EVC2: variants seen among roughly 807,000 people sequenced by gnomAD.
EVC2 encodes the protein EvC ciliary complex subunit 2.
EVC2 carries 148 observed loss-of-function variants against 149.3 expected under a neutral mutation model. The ratio of observed to expected loss-of-function variants is 0.99; its 90% CI spans 0.87 to 1.14. The LOEUF is 1.14. EVC2 is among the 50% of genes most tolerant of loss of function. EVC2 has a pLI of 0.00. For missense variants in EVC2, 1,854 were observed against 1,627.3 expected (o/e 1.14, Z -2.40); for synonymous variants, 776 against 649.9 (o/e 1.19, Z -2.95).
chr4:5,600,865 T>C (rs1713917043), intron 16 of EVC2, among the ~76,000 whole-genome samples: 1 of 152,214 alleles, frequency 6.6e-6, no homozygotes, highest in Non-Finnish European at 1.5e-5. Flanking sequence ...AACCAGCAGA[T>C]GACTGGAGAT....
chr4:5,700,839 A>G (rs1157536783), intron 1 of EVC2, among the ~76,000 whole-genome samples: 1 of 152,012 alleles, frequency 6.6e-6, no homozygotes, highest in African/African-American at 2.4e-5. Context: ...AGCCACTCCA[A>G]CGTTCCACTT....
At chr4:5,672,224 T>C (rs1719692757) in intron 7 of EVC2, among the ~76,000 whole-genome samples, 1 of 152,016 alleles carries the variant, frequency 6.6e-6, no homozygotes, top group Non-Finnish European at 1.5e-5. Context: ...GAGAACGAGC[T>C]GGGCCAGGGG....
chr4:5,606,754 T>TA (rs1714423977), intron 16 of EVC2, among the ~76,000 whole-genome samples: 1 of 152,144 alleles, frequency 6.6e-6, no homozygotes, highest in Admixed American at 6.5e-5. Flanking sequence ...AAACGAGGTG[T>TA]AAGAATTGGG....
intron 21 of EVC2, among the ~76,000 whole-genome samples, chr4:5,564,174 G>T (rs1443772074): frequency 6.6e-6 from 1 of 152,194 alleles, no homozygotes; most frequent in African/African-American, 2.4e-5. Context: ...TGCCCTTGGA[G>T]CTACTAAGTC....
chr4:5,689,087 C>G (rs990322194), intron 5 of EVC2, 70 bp downstream of exon 5: 6 of 1,556,288 alleles, frequency 3.9e-6, no homozygotes, highest in East Asian at 2.2e-5. Flanking sequence ...TGACCCAGAA[C>G]ACATTCACCT....
rs1001959592 is a variant in EVC2, at chr4:5,677,771, C to T, written c.870+3489G>A. 6.6e-6 allele frequency among the ~76,000 whole-genome samples: 1 copy of T among 152,200 alleles called. No homozygotes were observed. The highest frequency in any genetic ancestry group is 2.4e-5 in the African/African-American group (1 of 41,448). ...CTGTTGAGTGCCACCTACAATGTAC[C>T]GCACAGTGGGGGACACAGGCAAATC... On this transcript the variant is annotated intron_variant, in intron 7 of 21. Transcript: ENST00000344408. The surrounding 1 kb of genome is among the most constrained non-coding windows in gnomAD (Gnocchi z 4.3).
In EVC2 at chr4:5,637,223, C is replaced by G. The variant is rs4426715; in HGVS notation, c.1470+3291G>C. On this transcript the variant is annotated intron_variant, in intron 10 of 21. Transcript: ENST00000344408. This position sits in a 1 kb window ranked among gnomAD's most constrained non-coding sequence, Gnocchi z 4.4. Reference sequence around the variant, plus strand: ...CCCAGGCAGTCTTTTGATAGCAAAGCCACTAGAAACATTCTAGGTGCCCCA... The same window carrying G: ...CCCAGGCAGTCTTTTGATAGCAAAGGCACTAGAAACATTCTAGGTGCCCCA... 0.23 allele frequency among the ~76,000 whole-genome samples: 34,314 copies of G among 152,158 alleles called. 9,771 individuals are homozygous for G. Among genetic ancestry groups the G allele is most frequent in the African/African-American group, 0.67 (27,822 of 41,446 alleles).
chr4:5,584,689 T>C lies in EVC2; in HGVS notation c.2991A>G (p.Glu997=). The C allele has an allele frequency of 6.2e-7, 1 of 1,614,132 alleles. No individual in the cohort carries two copies. The highest frequency in any genetic ancestry group is 8.5e-7 in the Non-Finnish European group (1 of 1,180,020). Residue 997 remains glutamate (E), a synonymous_variant, in exon 17 of 22, where the codon GAA becomes GAG. Coordinates refer to ENST00000344408, the MANE Select transcript of EVC2 (RefSeq NM_147127.5). ...TCAGCATCTCAGATGCACTCAGCTC[T>C]TCCAGGAGCAAGTCCTGGATGCTGA... is the stretch of plus-strand genomic sequence containing the variant. ...ALLSIQDLLL[E]ELSASEMLTK...
chr4:5,706,346 A>ATACATACATAGATAGATAGC lies in EVC2; in HGVS notation c.228+1939_228+1940insGCTATCTATCTATGTATGTA, dbSNP rs1560243230. On this transcript the variant is annotated intron_variant, in intron 1 of 21. Coordinates refer to ENST00000344408, the MANE Select transcript of EVC2 (RefSeq NM_147127.5). ...CATAGATAGATAGATAGATACATAGATAGATAGACACATAGATAGATACAT... is the reference window on the plus strand; with the variant it reads ...CATAGATAGATAGATAGATACATAGATACATACATAGATAGATAGCTAGATAGACACATAGATAGATACAT... Among the ~76,000 whole-genome samples the ATACATACATAGATAGATAGC allele has an allele frequency of 4.6e-4, 64 of 139,314 alleles. 1 individual carries two copies. Among genetic ancestry groups the ATACATACATAGATAGATAGC allele is most frequent in the South Asian group, 7.0e-4 (3 of 4,296 alleles). The allele number at this position is 139,314 out of a possible 152,430, so 91.4% of individuals were successfully genotyped here.
intron 16 of EVC2, among the ~76,000 whole-genome samples, chr4:5,593,620 C>A (rs1443831030): frequency 1.3e-5 from 2 of 152,202 alleles, no homozygotes; most frequent in East Asian, 3.9e-4. Flanking sequence ...CAGCTCCGGT[C>A]TACAGCTCCC....
chr4:5,706,368 A>AG lies in EVC2; in HGVS notation c.228+1917_228+1918insC, dbSNP rs1234216613. Among the ~76,000 whole-genome samples the AG allele has an allele frequency of 1.8e-3, 155 of 86,394 alleles. 1 individual carries two copies. Among genetic ancestry groups the AG allele is most frequent in the Non-Finnish European group, 3.1e-3 (113 of 36,318 alleles). 56.7% of individuals were successfully genotyped at this position (86,394 alleles called of 152,430 possible). On this transcript the variant is annotated intron_variant, in intron 1 of 21. Coordinates refer to ENST00000344408, the MANE Select transcript of EVC2 (RefSeq NM_147127.5). Reference sequence around the variant, plus strand: ...TAGATAGATAGACACATAGATAGATACATAGATAGATACATAGATAGATAC... The same window carrying AG: ...TAGATAGATAGACACATAGATAGATAGCATAGATAGATACATAGATAGATAC...
At chr4:5,664,210 T>C (rs1229319440) in intron 8 of EVC2, among the ~76,000 whole-genome samples, 1 of 152,190 alleles carries the variant, frequency 6.6e-6, no homozygotes, top group South Asian at 2.1e-4. Flanking sequence ...AATAACGTTA[T>C]TGAAGGTCAC....
intron 1 of EVC2, among the ~76,000 whole-genome samples, chr4:5,702,190 T>C (rs1371429430): frequency 6.6e-6 from 1 of 152,140 alleles, no homozygotes; most frequent in Non-Finnish European, 1.5e-5. Context: ...CGCTCAGCTG[T>C]CACCTCCTTA....
chr4:5,665,970 A>C (rs1417260738), intron 7 of EVC2, among the ~76,000 whole-genome samples: 2 of 152,116 alleles, frequency 1.3e-5, no homozygotes, highest in Non-Finnish European at 2.9e-5. Context: ...ATGATAATCC[A>C]AAGGAAGCAC....
chr4:5,640,827 G>A lies in EVC2; in HGVS notation c.1157C>T (p.Ala386Val). 1 of 1,614,134 alleles carries A rather than the reference G, an allele frequency of 6.2e-7. No homozygotes were observed. The highest frequency in any genetic ancestry group is 2.2e-5 in the East Asian group (1 of 44,880). ...MLQALEELEI[A>V]TLNRADADLE... ...ATCTGCATCTGCCCGATTCAGGGTT[G>A]CAATCTCCAACCTAGGAAACACAAA... The change falls in exon 10 of 22, where the codon GCA (alanine) becomes GTA (valine). Residue 386 changes from alanine (A) to valine (V), a missense_variant. Ala to Val is a moderately conservative substitution (Grantham distance 64). Coordinates refer to ENST00000344408, the MANE Select transcript of EVC2 (RefSeq NM_147127.5). The surrounding 1 kb of genome is among the most constrained non-coding windows in gnomAD (Gnocchi z 4.6).
At chr4:5,694,908 T>C (rs1721372849) in intron 2 of EVC2, among the ~76,000 whole-genome samples, 1 of 152,164 alleles carries the variant, frequency 6.6e-6, no homozygotes, top group Non-Finnish European at 1.5e-5. Flanking sequence ...TGCTTAATTC[T>C]AAGGCAAACA....
At chr4:5,571,878 T>C (rs973922210) in intron 19 of EVC2, among the ~76,000 whole-genome samples, 1 of 152,132 alleles carries the variant, frequency 6.6e-6, no homozygotes, top group African/African-American at 2.4e-5. Context: ...GCCTCAGCCA[T>C]CAGCTGAAGG....
rs948867228 is a variant in EVC2, at chr4:5,562,536, A to G, written c.*312T>C. ...GAGTAGAGAATCTGGCTGTCACCAC[A>G]CAGACCATAGCTTCTGCAGCAGAGG... On this transcript the variant is annotated 3_prime_UTR_variant, in exon 22 of 22. Coordinates refer to ENST00000344408, the MANE Select transcript of EVC2 (RefSeq NM_147127.5). This position sits in a 1 kb window ranked among gnomAD's most constrained non-coding sequence, Gnocchi z 4.3. The G allele has an allele frequency of 2.7e-5, 34 of 1,266,898 alleles. No individual in the cohort carries two copies. Among genetic ancestry groups the G allele is most frequent in the Non-Finnish European group, 3.4e-5 (34 of 1,000,468 alleles). 78.5% of individuals were successfully genotyped at this position (1,266,898 alleles called of 1,614,324 possible).
Position 5,633,289 on chromosome 4 carries a change from G to A in EVC2, c.1471-1257C>T, listed in dbSNP as rs1361421594. Among the ~76,000 whole-genome samples the A allele has an allele frequency of 6.6e-6, 1 of 152,208 alleles. No individual in the cohort carries two copies. Among genetic ancestry groups the A allele is most frequent in the Non-Finnish European group, 1.5e-5 (1 of 68,046 alleles). On this transcript the variant is annotated intron_variant, in intron 10 of 21. Coordinates refer to ENST00000344408, the MANE Select transcript of EVC2 (RefSeq NM_147127.5). The surrounding 1 kb of genome is among the most constrained non-coding windows in gnomAD (Gnocchi z 4.4). ...CCAGAGGAGAATGCAGCTCAGCCAAGACCCTGATTGCCAGCCTGCAACATC... is the reference window on the plus strand; with the variant it reads ...CCAGAGGAGAATGCAGCTCAGCCAAAACCCTGATTGCCAGCCTGCAACATC...
Sources: gnomAD v4.1 joint callset for allele counts (sites outside exome capture counted in the v4.1 genomes callset) on GRCh38, gnomAD v4.1.1 for gene constraint, Gnocchi (gnomAD v3.1) non-coding constraint, MANE v1.5 for transcripts, NCBI Gene and HGNC (gene_info 2026-07-23, HGNC 2026-07-21) for gene names.